EPHA10: variants seen among roughly 807,000 people sequenced by gnomAD.
EPHA10 encodes the protein EPH receptor A10.
EPHA10 carries 120 observed loss-of-function variants against 109.7 expected under a neutral mutation model. The observed-to-expected ratio is 1.09, with a 90% CI of 0.94 to 1.27. The LOEUF is 1.27. Among genes scored for constraint, EPHA10 ranks in the 50% most tolerant of loss-of-function variants. EPHA10 has a pLI of 0.00. For synonymous variants in EPHA10, 640 were observed against 618.9 expected, an observed-to-expected ratio of 1.03 and a Z score of -0.51; for missense variants, 1,396 against 1,411.1, an observed-to-expected ratio of 0.99 and a Z score of 0.17.
intron 5 of EPHA10, among the ~76,000 whole-genome samples, chr1:37,745,985 A>G (rs902168880): frequency 1.3e-5 from 2 of 152,164 alleles, no homozygotes; most frequent in South Asian, 4.1e-4. Context: ...GTAATCCGGT[A>G]AGAGCTGTTT....
downstream of EPHA10, chr1:37,714,922 G>A (rs1472153066): frequency 1.3e-5 from 2 of 152,276 alleles, no homozygotes; most frequent in Admixed American, 6.5e-5. Flanking sequence ...CTGTGTTACA[G>A]TCTGAGGTGC....
chr1:37,737,589 A>G (rs1458256619), intron 5 of EPHA10, among the ~76,000 whole-genome samples: 2 of 152,220 alleles, frequency 1.3e-5, no homozygotes, highest in Non-Finnish European at 1.5e-5. Flanking sequence ...CTCACCTAAA[A>G]TCATATGCAA....
At chr1:37,746,104 T>TTC (rs1308046133) in intron 5 of EPHA10, among the ~76,000 whole-genome samples, 2 of 148,448 alleles carry the variant, frequency 1.3e-5, no homozygotes, top group Admixed American at 6.7e-5. Flanking sequence ...TTCTTTTCTT[T>TTC]TTTTTTTTTT....
At chr1:37,727,637 G>A (rs538380735) in intron 7 of EPHA10, among the ~76,000 whole-genome samples, 1 of 152,282 alleles carries the variant, frequency 6.6e-6, no homozygotes, top group East Asian at 1.9e-4. Flanking sequence ...CAAGACACTG[G>A]GCCATGTGCC....
At chr1:37,761,255 A>G in intron 3 of EPHA10, 150 bp downstream of exon 3, 1 of 1,504,196 alleles carries the variant, frequency 6.6e-7, no homozygotes, top group Non-Finnish European at 8.8e-7. Flanking sequence ...AAACTCCACA[A>G]GACTTCAGGG....
At position 37,761,716 on chromosome 1, in the gene EPHA10, A is replaced by G; in HGVS notation, c.539T>C (p.Ile180Thr). The G allele has an allele frequency of 6.2e-7, 1 of 1,613,348 alleles. No individual in the cohort carries two copies. Among genetic ancestry groups the G allele is most frequent in the South Asian group, 1.1e-5 (1 of 91,064 alleles). Residue 180 changes from isoleucine to threonine, a missense_variant, in exon 3 of 17, where the codon ATC becomes ACC. Transcript: ENST00000373048. ...GAAACCCCGCCGGCTGAGCGGTCCGATCTCGCGCACCTCTGTGTTCAGCTT... is the reference window on the plus strand; with the variant it reads ...GAAACCCCGCCGGCTGAGCGGTCCGGTCTCGCGCACCTCTGTGTTCAGCTT... ...KMKLNTEVRE[I>T]GPLSRRGFHL...
At chr1:37,763,831 G>C (rs752518944) in intron 1 of EPHA10, among the ~76,000 whole-genome samples, 1 of 152,222 alleles carries the variant, frequency 6.6e-6, no homozygotes, top group Non-Finnish European at 1.5e-5. Flanking sequence ...AATGTGGAGA[G>C]ATACTGCTAA....
chr1:37,718,621 T>C (rs1557526328), intron 16 of EPHA10, 40 bp downstream of exon 16: 4 of 1,612,910 alleles, frequency 2.5e-6, no homozygotes, highest in Non-Finnish European at 3.4e-6. Flanking sequence ...GCCTGTGGAA[T>C]CCCCCAGCCC....
chr1:37,723,064 G>GT lies in EPHA10; in HGVS notation c.1936dup (p.Thr646AsnfsTer57). 6.2e-7 allele frequency: 1 copy of GT among 1,614,192 alleles called. No homozygotes were observed. Among genetic ancestry groups the GT allele is most frequent in the Non-Finnish European group, 8.5e-7 (1 of 1,180,042 alleles). ...GCCTCCTCCAAGGCTCCTCTCCAGC[G>GT]TGACGCTTTTCGCATCCAGTTCCTT... On this transcript the variant is annotated frameshift_variant, in exon 10 of 17. Transcript: ENST00000373048. LOFTEE classifies it high-confidence loss of function.
Position 37,762,040 on chromosome 1 carries a change from C to A in EPHA10, c.215G>T (p.Arg72Leu). ...SGVDEHDRPI[R>L]TYQVCNVLEP... The stretch of plus-strand genomic sequence containing the variant: ...CAGCACATTGCACACTTGGTACGTG[C>A]GGATGGGACGGTCGTGTTCATCCAC... Residue 72 changes from arginine (R) to leucine (L), a missense_variant, in exon 3 of 17, where the codon CGC becomes CTC. Physicochemically the swap from Arg to Leu is moderately radical, Grantham distance 102 (BLOSUM62 -2). Coordinates refer to ENST00000373048, the MANE Select transcript of EPHA10 (RefSeq NM_001099439.2). 1 of 1,609,182 alleles carries A rather than the reference C, an allele frequency of 6.2e-7. No homozygotes were observed. Among genetic ancestry groups the A allele is most frequent in the South Asian group, 1.1e-5 (1 of 90,254 alleles).
At chr1:37,761,266 C>A (rs1397843400) in intron 3 of EPHA10, 139 bp downstream of exon 3, 5 of 1,511,620 alleles carry the variant, frequency 3.3e-6, no homozygotes, top group African/African-American at 2.8e-5. Flanking sequence ...GACTTCAGGG[C>A]TCTCCTTGGG....
In EPHA10 at chr1:37,751,781, G is replaced by A. The variant is rs139106556; in HGVS notation, c.1357+1095C>T. Among the ~76,000 whole-genome samples, 5 of 151,508 alleles carry A rather than the reference G, an allele frequency of 3.3e-5. 1 individual carries two copies. Among genetic ancestry groups the A allele is most frequent in the Non-Finnish European group, 7.4e-5 (5 of 67,942 alleles). On this transcript the variant is annotated intron_variant, in intron 5 of 16. Transcript: ENST00000373048. The stretch of plus-strand genomic sequence containing the variant: ...CCAGCTACTCGGGAGGCTAAGGCAG[G>A]AGAATCACTTGAACTCGGGAGGCAG...
chr1:37,741,171 T>C (rs1457303531), intron 5 of EPHA10, among the ~76,000 whole-genome samples: 1 of 152,204 alleles, frequency 6.6e-6, no homozygotes, highest in Non-Finnish European at 1.5e-5. Context: ...CCTCCTAGGC[T>C]TGCTGTGGGA....
At position 37,718,179 on chromosome 1, in the gene EPHA10, G is replaced by C; in HGVS notation, c.*193C>G. ...TTTTCAGGGGCACTGAGTTAGCCAA[G>C]GCGTTCAGACTCGTGAAAATGGGAG... On this transcript the variant is annotated 3_prime_UTR_variant, in exon 17 of 17. Coordinates refer to ENST00000373048, the MANE Select transcript of EPHA10 (RefSeq NM_001099439.2). 3 of 589,358 alleles carry C rather than the reference G, an allele frequency of 5.1e-6. No homozygotes were observed. 36.5% of individuals were successfully genotyped at this position (589,358 alleles called of 1,614,324 possible). A position where few individuals can be genotyped will look rare whatever the true frequency, so the allele number is the denominator to read the frequency against.
Position 37,753,123 on chromosome 1 carries a change from G to A in EPHA10, c.1110C>T (p.Asp370=). Residue 370 remains aspartate, a synonymous_variant, in exon 5 of 17, where the codon GAC becomes GAT. Transcript: ENST00000373048. The part of the protein sequence containing the change: ...LPPADSGGRS[D]VTYSLLCLRC... ...GCAGGCACAGCAGCGAGTAGGTGAC[G>A]TCCGAGCGGCCTCCCGAGTCGGCCG... The A allele has an allele frequency of 1.4e-6, 2 of 1,403,702 alleles. No homozygotes were observed. The highest frequency in any genetic ancestry group is 1.5e-5 in the South Asian group (1 of 67,624). 87.0% of individuals were successfully genotyped at this position (1,403,702 alleles called of 1,614,324 possible).
At chr1:37,720,184 C>T in intron 13 of EPHA10, 126 bp from the exon 14 acceptor site, 3 of 1,431,078 alleles carry the variant, frequency 2.1e-6, no homozygotes, top group Middle Eastern at 2.5e-4. Context: ...AGCTTCACAT[C>T]TGGGAAAGAC....
chr1:37,724,592 C>A (rs1199317735), intron 8 of EPHA10, among the ~76,000 whole-genome samples: 2 of 151,916 alleles, frequency 1.3e-5, no homozygotes, highest in Admixed American at 6.6e-5. Flanking sequence ...ATCACAGGGA[C>A]CAAGGACAGA....
chr1:37,718,156 T>A lies in EPHA10; in HGVS notation c.*216A>T. On this transcript the variant is annotated 3_prime_UTR_variant, in exon 17 of 17. Coordinates refer to ENST00000373048, the MANE Select transcript of EPHA10 (RefSeq NM_001099439.2). ...TCCTCCCTAGGGATTTGAACCTCTT[T>A]TCAGGGGCACTGAGTTAGCCAAGGC... 1 of 563,050 alleles carries A rather than the reference T, an allele frequency of 1.8e-6. No individual in the cohort carries two copies. The highest frequency in any genetic ancestry group is 3.1e-6 in the Non-Finnish European group (1 of 318,198). The allele number at this position is 563,050 out of a possible 1,614,324, so 34.9% of individuals were successfully genotyped here.
chr1:37,725,762 C>A lies in EPHA10; in HGVS notation c.1772+1340G>T, dbSNP rs140920541. On this transcript the variant is annotated intron_variant, in intron 8 of 16. Transcript: ENST00000373048. ...GTGGATGGAGGAGCGAAAGAGGGTG[C>A]GTGGTGAGGAGAGGAGAGAGGCTTC... Among the ~76,000 whole-genome samples, 1,164 of 152,038 alleles carry A rather than the reference C, an allele frequency of 7.7e-3. 9 individuals carry two copies. Among genetic ancestry groups the A allele is most frequent in the Non-Finnish European group, 0.011 (751 of 67,976 alleles).
Sources: allele counts gnomAD v4.1 joint callset (sites outside exome capture counted in the v4.1 genomes callset), GRCh38; gene constraint gnomAD v4.1.1; transcripts MANE v1.5; gene names NCBI Gene and HGNC (gene_info 2026-07-23, HGNC 2026-07-21).